CADM1: variants seen among roughly 807,000 people sequenced by gnomAD.
The protein encoded by CADM1 is TSLC-1.
A neutral mutation model predicts 53.1 loss-of-function variants in CADM1; 15 were observed. The ratio of observed to expected loss-of-function variants is 0.28; its 90% CI spans 0.19 to 0.44. CADM1 has a LOEUF of 0.44. Among genes scored for constraint, CADM1 ranks in the 20% least tolerant of loss-of-function variants. The probability of loss-of-function intolerance (pLI) is 1.00; values close to 1 mark genes in which losing one functional copy is unlikely to be tolerated. For missense variants in CADM1, 434 were observed against 611.3 expected (o/e 0.71, Z 3.06); for synonymous variants, 281 against 243.0 (o/e 1.16, Z -1.45).
chr11:115,378,112 C>T (rs1456858765), intron 1 of CADM1, among the ~76,000 whole-genome samples: 1 of 152,118 alleles, frequency 6.6e-6, no homozygotes, highest in Non-Finnish European at 1.5e-5. Context: ...TCAATACAAA[C>T]ACTGACAGCA....
intron 1 of CADM1, among the ~76,000 whole-genome samples, chr11:115,439,813 T>C (rs1948268571): frequency 6.6e-6 from 1 of 152,224 alleles, no homozygotes; most frequent in African/African-American, 2.4e-5. Context: ...TTGCTCATTT[T>C]TCCTGGTTTA....
chr11:115,346,430 G>T (rs1014459830), intron 1 of CADM1, among the ~76,000 whole-genome samples: 8 of 152,112 alleles, frequency 5.3e-5, no homozygotes, highest in African/African-American at 1.7e-4. Flanking sequence ...ATGGGGTCTT[G>T]CTATGTTCCC....
chr11:115,476,504 G>T (rs1224017822), intron 1 of CADM1, among the ~76,000 whole-genome samples: 1 of 152,156 alleles, frequency 6.6e-6, no homozygotes, highest in African/African-American at 2.4e-5. Flanking sequence ...TGTTACAATG[G>T]GTTTGCATGC....
intron 1 of CADM1, among the ~76,000 whole-genome samples, chr11:115,267,386 T>G (rs1411794098): frequency 6.6e-6 from 1 of 152,210 alleles, no homozygotes. Context: ...GAGCTTCATT[T>G]TTAGCAGCCG....
At chr11:115,260,007 C>A (rs758376293) in intron 1 of CADM1, among the ~76,000 whole-genome samples, 5 of 152,172 alleles carry the variant, frequency 3.3e-5, no homozygotes, top group Admixed American at 6.5e-5. Context: ...CTCACTGGAG[C>A]CTTGAACTCT....
At chr11:115,349,545 T>G (rs187289497) in intron 1 of CADM1, among the ~76,000 whole-genome samples, 1 of 152,178 alleles carries the variant, frequency 6.6e-6, no homozygotes, top group Non-Finnish European at 1.5e-5. Flanking sequence ...TAATGCACAA[T>G]GCCTGTTCAA....
chr11:115,449,879 C>T (rs1235490622), intron 1 of CADM1, among the ~76,000 whole-genome samples: 1 of 152,112 alleles, frequency 6.6e-6, no homozygotes, highest in Non-Finnish European at 1.5e-5. Context: ...ATGCATTTTG[C>T]TAGATTTTAT....
intron 1 of CADM1, among the ~76,000 whole-genome samples, chr11:115,389,772 T>TC (rs1380232975): frequency 6.6e-6 from 1 of 151,948 alleles, no homozygotes; most frequent in Non-Finnish European, 1.5e-5. Context: ...TGATTTTTTT[T>TC]CTCTTCTACT....
chr11:115,460,630 T>C (rs982618043), intron 1 of CADM1, among the ~76,000 whole-genome samples: 1 of 152,228 alleles, frequency 6.6e-6, no homozygotes, highest in Non-Finnish European at 1.5e-5. Flanking sequence ...AAGTTATTTA[T>C]TGAGTAATTA....
At chr11:115,441,847 C>T (rs1472782508) in intron 1 of CADM1, among the ~76,000 whole-genome samples, 1 of 151,860 alleles carries the variant, frequency 6.6e-6, no homozygotes, top group Non-Finnish European at 1.5e-5. Flanking sequence ...AACAGCTATA[C>T]CTATAGGAAA....
At chr11:115,327,090 CATGTT>C (rs1944977460) in intron 1 of CADM1, among the ~76,000 whole-genome samples, 1 of 152,142 alleles carries the variant, frequency 6.6e-6, no homozygotes, top group African/African-American at 2.4e-5. Context: ...TTTTTATATA[CATGTT>C]ATCTTATCTA....
intron 9 of CADM1, among the ~76,000 whole-genome samples, chr11:115,192,994 ACT>A (rs750263480): frequency 1.1e-4 from 17 of 152,182 alleles, no homozygotes; most frequent in Non-Finnish European, 2.2e-4. Context: ...AACCTACAAT[ACT>A]CTGCCATAGT....
At chr11:115,438,427 G>C (rs1232595477) in intron 1 of CADM1, among the ~76,000 whole-genome samples, 1 of 152,034 alleles carries the variant, frequency 6.6e-6, no homozygotes, top group Non-Finnish European at 1.5e-5. Context: ...AAACTGACAG[G>C]ACAAGCATTA....
At chr11:115,310,955 T>C (rs950197991) in intron 1 of CADM1, among the ~76,000 whole-genome samples, 1 of 152,186 alleles carries the variant, frequency 6.6e-6, no homozygotes, top group African/African-American at 2.4e-5. Flanking sequence ...TTCAGAACCA[T>C]CTGATACCAG....
intron 1 of CADM1, among the ~76,000 whole-genome samples, chr11:115,485,402 T>C (rs1022866929): frequency 4.6e-5 from 7 of 152,174 alleles, no homozygotes; most frequent in African/African-American, 1.7e-4. Context: ...AGTAACTAAA[T>C]AAAAGCATAA....
intron 1 of CADM1, among the ~76,000 whole-genome samples, chr11:115,378,527 T>C (rs922493252): frequency 6.6e-6 from 1 of 151,894 alleles, no homozygotes; most frequent in South Asian, 2.1e-4. Flanking sequence ...AATATATAAA[T>C]AAGAAAACTA....
At chr11:115,316,812 C>A (rs1482133640) in intron 1 of CADM1, among the ~76,000 whole-genome samples, 1 of 152,082 alleles carries the variant, frequency 6.6e-6, no homozygotes, top group East Asian at 1.9e-4. Context: ...CTACTAACAT[C>A]TTTTACAAGG....
chr11:115,468,848 C>A (rs926309729), intron 1 of CADM1, among the ~76,000 whole-genome samples: 51 of 152,098 alleles, frequency 3.4e-4, no homozygotes, highest in Non-Finnish European at 6.3e-4. Flanking sequence ...CTCCACATGG[C>A]CAGGGAGGCC....
At chr11:115,431,704 A>T (rs1464489226) in intron 1 of CADM1, among the ~76,000 whole-genome samples, 1 of 151,820 alleles carries the variant, frequency 6.6e-6, no homozygotes, top group Admixed American at 6.6e-5. Flanking sequence ...TTCCCTCTGG[A>T]AAGTTCTTCC....
Sources: allele counts gnomAD v4.1 joint callset (sites outside exome capture counted in the v4.1 genomes callset), GRCh38; gene constraint gnomAD v4.1.1; transcripts MANE v1.5; gene names NCBI Gene and HGNC (gene_info 2026-07-23, HGNC 2026-07-21).